The following ARID1B variants were observed in gnomAD, a reference collection of about 807,000 sequenced individuals.
ARID1B encodes the protein AT-rich interaction domain 1B.
Under a neutral mutation model 212.3 loss-of-function variants are expected in ARID1B, and 30 were observed. The observed-to-expected ratio is 0.14, with a 90% confidence interval of 0.11 to 0.19. The LOEUF is 0.19. ARID1B is among the 10% of genes least tolerant of loss of function. The pLI is 1.00. For synonymous variants in ARID1B, 1,402 were observed against 1,301.7 expected (o/e 1.08, Z -1.66); for missense variants, 2,891 against 3,204.0 (o/e 0.90, Z 2.36).
In ARID1B at chr6:157,209,779, A is replaced by G. The variant is rs1393991663; in HGVS notation, c.*1888A>G. 2.1e-5 allele frequency: 5 copies of G among 233,156 alleles called. No individual in the cohort carries two copies. Among genetic ancestry groups the G allele is most frequent in the South Asian group, 1.8e-4 (1 of 5,538 alleles). The allele number at this position is 233,156 out of a possible 1,614,324, so 14.4% of individuals were successfully genotyped here. A position where few individuals can be genotyped will look rare whatever the true frequency, so the allele number is the denominator to read the frequency against. ...AGTGATGATTTCTATTTCAGGGCAT[A>G]TTATGGTTCTCATATTCCTTCCTAC... On this transcript the variant is annotated 3_prime_UTR_variant, in exon 20 of 20. Transcript: ENST00000636930.
chr6:156,910,991 A>G lies in ARID1B; in HGVS notation c.2136+9466A>G, dbSNP rs73576018. Reference sequence around the variant, plus strand: ...AAAGAAGTATATAATAAAGTATTGTATGCTTAATTAAACAAATATTTAGGC... The same window carrying G: ...AAAGAAGTATATAATAAAGTATTGTGTGCTTAATTAAACAAATATTTAGGC... On this transcript the variant is annotated intron_variant, in intron 3 of 19. Transcript: ENST00000636930. 7.2e-3 allele frequency among the ~76,000 whole-genome samples: 1,095 copies of G among 152,336 alleles called. 15 individuals are homozygous for G. The highest frequency in any genetic ancestry group is 0.024 in the African/African-American group (1,015 of 41,566).
intron 4 of ARID1B, among the ~76,000 whole-genome samples, chr6:157,061,533 T>C (rs1291087737): frequency 6.6e-6 from 1 of 151,896 alleles, no homozygotes; most frequent in Non-Finnish European, 1.5e-5. Flanking sequence ...TTTTAACTCC[T>C]GGTTATTATT....
intron 9 of ARID1B, 22 bp downstream of exon 9, chr6:157,167,207 T>C (rs2128291407): frequency 1.3e-6 from 2 of 1,597,992 alleles, no homozygotes; most frequent in Non-Finnish European, 1.7e-6. Flanking sequence ...AGCTCTGCGC[T>C]CCTGAGCCCC....
chr6:157,112,271 C>T (rs1383900343), intron 6 of ARID1B, among the ~76,000 whole-genome samples: 1 of 152,224 alleles, frequency 6.6e-6, no homozygotes, highest in East Asian at 1.9e-4. Context: ...ATTGCTTGAT[C>T]TGTGTTAACT....
chr6:157,031,864 C>G (rs1222239716), intron 4 of ARID1B, among the ~76,000 whole-genome samples: 2 of 151,624 alleles, frequency 1.3e-5, no homozygotes, highest in African/African-American at 2.4e-5. Flanking sequence ...GGTGCGATCT[C>G]ACGGCAACCT....
rs1794633774 is a variant in ARID1B at position 157,208,724 on chromosome 6, T to TC, written c.*833_*834insC. 1 of 228,672 alleles carries TC rather than the reference T, an allele frequency of 4.4e-6. No individual in the cohort carries two copies. Among genetic ancestry groups the TC allele is most frequent in the South Asian group, 1.8e-4 (1 of 5,496 alleles). 14.2% of individuals were successfully genotyped at this position (228,672 alleles called of 1,614,324 possible). A position where few individuals can be genotyped will look rare whatever the true frequency, so the allele number is the denominator to read the frequency against. ...CTCATTTTTTTCTTTTCTTTTTTTT[T>TC]TTTTTTTTTAGTACAAAGTTTTAGT... is the stretch of plus-strand genomic sequence containing the variant. On this transcript the variant is annotated 3_prime_UTR_variant, in exon 20 of 20. Coordinates refer to ENST00000636930, the MANE Select transcript of ARID1B (RefSeq NM_001374828.1).
rs184465903 is a variant in ARID1B, at chr6:157,165,057, G to A, written c.3090-1983G>A. Among the ~76,000 whole-genome samples the A allele has an allele frequency of 2.4e-3, 362 of 152,278 alleles. 2 individuals carry two copies. The highest frequency in any genetic ancestry group is 6.8e-3 in the Middle Eastern group (2 of 294). ...CCCTTGTTTGAAGAACACCTCAGAA[G>A]GGATACTTCTAAGGTACTTGAGTTA... On this transcript the variant is annotated intron_variant, in intron 8 of 19. Coordinates refer to ENST00000636930, the MANE Select transcript of ARID1B (RefSeq NM_001374828.1).
Position 156,853,235 on chromosome 6 carries a change from T to G in ARID1B, c.1986+23814T>G, listed in dbSNP as rs1490381806. On this transcript the variant is annotated intron_variant, in intron 2 of 19. Coordinates refer to ENST00000636930, the MANE Select transcript of ARID1B (RefSeq NM_001374828.1). ...AGTATGCCTGTATTGAAATGTGTTG[T>G]GAGACTAGATGAAAGTCTATGTAAA... Among the ~76,000 whole-genome samples, 4 of 152,390 alleles carry G rather than the reference T, an allele frequency of 2.6e-5. No individual in the cohort carries two copies. In the East Asian group the frequency reaches 7.7e-4, roughly 29 times the overall value.
intron 4 of ARID1B, among the ~76,000 whole-genome samples, chr6:156,967,999 A>G (rs932814789): frequency 1.3e-5 from 2 of 152,196 alleles, no homozygotes; most frequent in Non-Finnish European, 2.9e-5. Context: ...ATTCAGTCCT[A>G]GGAAGGAATG....
chr6:157,065,197 T>C (rs182410090), intron 4 of ARID1B, among the ~76,000 whole-genome samples: 98 of 152,276 alleles, frequency 6.4e-4, no homozygotes, highest in African/African-American at 2.3e-3. Flanking sequence ...TAAAAGAAGT[T>C]CAAAGTAATG....
intron 2 of ARID1B, among the ~76,000 whole-genome samples, chr6:156,897,211 TGCTG>T (rs1562468167): frequency 4.7e-4 from 37 of 78,564 alleles, no homozygotes; most frequent in African/African-American, 1.5e-3. Flanking sequence ...CTGCTGCTGC[TGCTG>T]CTGCTTCTTC....
At chr6:157,063,390 A>G (rs114153391) in intron 4 of ARID1B, among the ~76,000 whole-genome samples, 2,303 of 152,280 alleles carry the variant, frequency 0.015, 59 homozygotes, top group African/African-American at 0.053. Flanking sequence ...ACAGCCTCAC[A>G]GGTTAGGTAG....
At chr6:156,864,052 C>A (rs1473490286) in intron 2 of ARID1B, among the ~76,000 whole-genome samples, 1 of 152,072 alleles carries the variant, frequency 6.6e-6, no homozygotes, top group Non-Finnish European at 1.5e-5. Context: ...TGTTTTGTAT[C>A]CTTTTTTTTC....
intron 2 of ARID1B, among the ~76,000 whole-genome samples, chr6:156,894,305 C>CCGGGGGGGTTGGGATGGGGGA (rs1788212008): frequency 1.7e-5 from 2 of 120,108 alleles, no homozygotes; most frequent in Non-Finnish European, 1.7e-5. Context: ...GGGATGGGGG[C>CCGGGGGGGTTGGGATGGGGGA]CGGGGGTTGG....
At chr6:156,897,218 G>GCTGCTGCTGCTTCTTCTTCTTCTT (rs1554264583) in intron 2 of ARID1B, among the ~76,000 whole-genome samples, 3 of 91,372 alleles carry the variant, frequency 3.3e-5, no homozygotes, top group South Asian at 4.3e-4. Flanking sequence ...TGCTGCTGCT[G>GCTGCTGCTGCTTCTTCTTCTTCTT]CTTCTTCTTC....
Position 156,901,432 on chromosome 6 carries a change from G to A in ARID1B, c.2043G>A (p.Gln681=), listed in dbSNP as rs2128210805. 6.2e-7 allele frequency: 1 copy of A among 1,614,104 alleles called. No individual in the cohort carries two copies. Among genetic ancestry groups the A allele is most frequent in the Non-Finnish European group, 8.5e-7 (1 of 1,180,040 alleles). The part of the protein sequence containing the change: ...GVSGYCQQGQ[Q]PYYSQQPQPP... ...GTGGTTACTGCCAGCAGGGCCAACAGCCATATTACAGCCAGCAGCCGCAGC... is the reference window on the plus strand; with the variant it reads ...GTGGTTACTGCCAGCAGGGCCAACAACCATATTACAGCCAGCAGCCGCAGC... The change falls in exon 3 of 20, where the codon CAG becomes CAA. Residue 681 remains glutamine (Q), a synonymous_variant. Transcript: ENST00000636930.
chr6:157,045,020 T>C (rs898354890), intron 4 of ARID1B, among the ~76,000 whole-genome samples: 1 of 152,140 alleles, frequency 6.6e-6, no homozygotes, highest in Non-Finnish European at 1.5e-5. Flanking sequence ...ATTTTAAAAA[T>C]TGATTTAAAC....
intron 4 of ARID1B, among the ~76,000 whole-genome samples, chr6:157,056,788 A>G (rs1782981695): frequency 6.6e-6 from 1 of 152,118 alleles, no homozygotes; most frequent in Admixed American, 6.5e-5. Context: ...GGAGAAACTT[A>G]GGCAATTGAA....
intron 17 of ARID1B, among the ~76,000 whole-genome samples, chr6:157,199,759 G>C (rs1388721833): frequency 6.6e-6 from 1 of 151,862 alleles, no homozygotes; most frequent in South Asian, 2.1e-4. Context: ...TGCCTCCTGG[G>C]CTCAAGCGAT....
Sources: gnomAD v4.1 joint callset for allele counts (sites outside exome capture counted in the v4.1 genomes callset) on GRCh38, gnomAD v4.1.1 for gene constraint, MANE v1.5 for transcripts, NCBI Gene and HGNC (gene_info 2026-07-23, HGNC 2026-07-21) for gene names.